ARHGAP19: variants seen among roughly 807,000 people sequenced by gnomAD.
ARHGAP19 encodes the protein Rho GTPase activating protein 19.
In ARHGAP19, 48 loss-of-function variants were observed where a neutral mutation model predicts 60.9. The observed-to-expected ratio is 0.79, with a 90% CI of 0.62 to 1.00. ARHGAP19 has a LOEUF of 1.00. Ranked by LOEUF, ARHGAP19 falls within the 50% of genes least tolerant of loss-of-function variation. ARHGAP19 has a pLI of 0.00. For synonymous variants in ARHGAP19, 209 were observed against 215.5 expected, an observed-to-expected ratio of 0.97 and a Z score of 0.27; for missense variants, 562 against 597.2, an observed-to-expected ratio of 0.94 and a Z score of 0.61.
At chr10:97,289,885 A>AAAAAG (rs1402341467) in intron 1 of ARHGAP19, among the ~76,000 whole-genome samples, 26 of 151,446 alleles carry the variant, frequency 1.7e-4, no homozygotes, top group African/African-American at 6.1e-4. Flanking sequence ...GAAAGAAAAG[A>AAAAAG]AAAAGAAAAG....
chr10:97,248,369 G>A (rs534649612), intron 6 of ARHGAP19, among the ~76,000 whole-genome samples: 33 of 151,942 alleles, frequency 2.2e-4, no homozygotes, highest in African/African-American at 7.7e-4. Context: ...AGCCCAGATC[G>A]TGCTACTGCA....
chr10:97,235,851 C>T (rs765946756), intron 8 of ARHGAP19, among the ~76,000 whole-genome samples: 2 of 152,102 alleles, frequency 1.3e-5, no homozygotes, highest in Non-Finnish European at 1.5e-5. Flanking sequence ...AAGTGGAAAA[C>T]GAGAAGACCC....
At chr10:97,251,178 AAAGGG>A (rs1842642666) in intron 6 of ARHGAP19, among the ~76,000 whole-genome samples, 1 of 77,404 alleles carries the variant, frequency 1.3e-5, no homozygotes, top group African/African-American at 5.0e-5. Flanking sequence ...AGGGGAAGGG[AAAGGG>A]AAAGGAAGGG....
chr10:97,242,581 C>T (rs1471163853), intron 8 of ARHGAP19, among the ~76,000 whole-genome samples: 3 of 151,964 alleles, frequency 2.0e-5, no homozygotes, highest in Non-Finnish European at 1.5e-5. Context: ...GGCATGATCT[C>T]GGCTCACCAC....
intron 8 of ARHGAP19, among the ~76,000 whole-genome samples, chr10:97,239,536 GA>G (rs1842436469): frequency 1.6e-4 from 1 of 6,384 alleles, no homozygotes; most frequent in Admixed American, 3.6e-3. Context: ...AAGGGAGTGA[GA>G]GAGAGAGAGA....
At chr10:97,239,253 G>A (rs1029241510) in intron 8 of ARHGAP19, among the ~76,000 whole-genome samples, 40 of 152,310 alleles carry the variant, frequency 2.6e-4, no homozygotes, top group African/African-American at 8.2e-4. Flanking sequence ...CCAACACTTT[G>A]GGAGGCCGAG....
At chr10:97,248,336 C>A (rs1470359352) in intron 6 of ARHGAP19, among the ~76,000 whole-genome samples, 1 of 151,914 alleles carries the variant, frequency 6.6e-6, no homozygotes, top group East Asian at 1.9e-4. Flanking sequence ...ATCGACTGGT[C>A]CCAGGAGGCA....
At chr10:97,253,679 A>C (rs1482693587) in intron 6 of ARHGAP19, among the ~76,000 whole-genome samples, 1 of 152,228 alleles carries the variant, frequency 6.6e-6, no homozygotes, top group East Asian at 1.9e-4. Context: ...CAACTATTCA[A>C]TGTGATGGAT....
At position 97,224,302 on chromosome 10, in the gene ARHGAP19, T is replaced by C. The variant is rs887282565; in HGVS notation, c.*1820A>G. 2 of 152,330 alleles carry C rather than the reference T, an allele frequency of 1.3e-5. No individual in the cohort carries two copies. Among genetic ancestry groups the C allele is most frequent in the East Asian group, 1.9e-4 (1 of 5,184 alleles). The allele number at this position is 152,330 out of a possible 1,614,324, so 9.4% of individuals were successfully genotyped here. ...AGGGTTTTCTGTTTGAATTAACTGATATCTGGTGTAAGGGATTTCATTTTC... is the reference window on the plus strand; with the variant it reads ...AGGGTTTTCTGTTTGAATTAACTGACATCTGGTGTAAGGGATTTCATTTTC... On this transcript the variant is annotated 3_prime_UTR_variant, in exon 12 of 12. Transcript: ENST00000358531.
rs1390341564 is a variant in ARHGAP19 at position 97,292,273 on chromosome 10, C to A, written c.56+299G>T. On this transcript the variant is annotated intron_variant, in intron 1 of 11. Coordinates refer to ENST00000358531, the MANE Select transcript of ARHGAP19 (RefSeq NM_032900.6). ...CCAGCCCTGGACTTCCGTTTCCTCGCCATCAAGAGGTGTCTCGGCGCCAAA... is the reference window on the plus strand; with the variant it reads ...CCAGCCCTGGACTTCCGTTTCCTCGACATCAAGAGGTGTCTCGGCGCCAAA... 1.8e-4 allele frequency among the ~76,000 whole-genome samples: 28 copies of A among 152,210 alleles called. 1 individual carries two copies. The highest frequency in any genetic ancestry group is 1.8e-3 in the Admixed American group (27 of 15,274).
chr10:97,236,643 T>TA (rs938825063), intron 8 of ARHGAP19, among the ~76,000 whole-genome samples: 3 of 151,850 alleles, frequency 2.0e-5, no homozygotes, highest in African/African-American at 7.3e-5. Context: ...TACATGCCAC[T>TA]AAAAATACAA....
chr10:97,255,482 C>T (rs538874056), intron 6 of ARHGAP19, among the ~76,000 whole-genome samples: 3 of 152,144 alleles, frequency 2.0e-5, no homozygotes, highest in East Asian at 3.9e-4. Context: ...GAGGCTGAGG[C>T]GGGAGCATCA....
intron 8 of ARHGAP19, among the ~76,000 whole-genome samples, chr10:97,240,550 T>C (rs551531940): frequency 7.2e-5 from 11 of 151,870 alleles, no homozygotes; most frequent in South Asian, 2.1e-4. Context: ...ACTCGGGAGG[T>C]TGAGGCAGGA....
At chr10:97,226,596 C>T (rs1383188159) in intron 11 of ARHGAP19, among the ~76,000 whole-genome samples, 1 of 152,202 alleles carries the variant, frequency 6.6e-6, no homozygotes, top group African/African-American at 2.4e-5. Context: ...TAAAAGCCGA[C>T]TCAGCACAAG....
intron 4 of ARHGAP19, among the ~76,000 whole-genome samples, chr10:97,259,976 T>C (rs1424225132): frequency 1.3e-5 from 2 of 151,400 alleles, no homozygotes; most frequent in African/African-American, 4.9e-5. Context: ...GCTGGGACTA[T>C]AGGCACCCGC....
chr10:97,287,057 C>A lies in ARHGAP19; in HGVS notation c.56+5515G>T, dbSNP rs569154669. On this transcript the variant is annotated intron_variant, in intron 1 of 11. Transcript: ENST00000358531. Reference sequence around the variant, plus strand: ...CCACCTCCCGAGCTCAAGTGATCCTCCCACCTTAGCCTCCCAAGTAGCTGG... The same window carrying A: ...CCACCTCCCGAGCTCAAGTGATCCTACCACCTTAGCCTCCCAAGTAGCTGG... Among the ~76,000 whole-genome samples, 21 of 152,254 alleles carry A rather than the reference C, an allele frequency of 1.4e-4. No homozygotes were observed. The East Asian group carries it at 4.1e-3, about 29-fold the overall frequency.
At chr10:97,234,197 G>A (rs932049479) in intron 9 of ARHGAP19, among the ~76,000 whole-genome samples, 2 of 151,834 alleles carry the variant, frequency 1.3e-5, no homozygotes, top group African/African-American at 2.4e-5. Context: ...AACCCAAGAG[G>A]GGGAGGTTGC....
chr10:97,268,821 C>A (rs1022586766), intron 1 of ARHGAP19, among the ~76,000 whole-genome samples: 1 of 152,180 alleles, frequency 6.6e-6, no homozygotes, highest in Non-Finnish European at 1.5e-5. Context: ...ATAGCCAAAC[C>A]ATATCAACCC....
intron 7 of ARHGAP19, among the ~76,000 whole-genome samples, chr10:97,244,656 T>C (rs1156528840): frequency 6.6e-6 from 1 of 152,168 alleles, no homozygotes. Context: ...ACAGCAGTGC[T>C]AGAGGAACAA....
Sources: allele counts gnomAD v4.1 joint callset (sites outside exome capture counted in the v4.1 genomes callset), GRCh38; gene constraint gnomAD v4.1.1; transcripts MANE v1.5; gene names NCBI Gene and HGNC (gene_info 2026-07-23, HGNC 2026-07-21).